CALHM5: variants seen among roughly 807,000 people sequenced by gnomAD.
The protein encoded by CALHM5 is calcium homeostasis modulator family member 5.
CALHM5 carries 17 observed loss-of-function variants against 20.9 expected under a neutral mutation model. The observed-to-expected ratio is 0.82, with a 90% confidence interval of 0.56 to 1.22. The LOEUF is 1.22. CALHM5 is among the 50% of genes most tolerant of loss of function. The pLI, the probability that CALHM5 is intolerant of heterozygous loss-of-function variation, is 0.00. For missense variants in CALHM5, 360 were observed against 364.6 expected (o/e 0.99, Z 0.10); for synonymous variants, 148 against 140.0 (o/e 1.06, Z -0.40).
rs891616595 is a variant in CALHM5 at position 116,516,331 on chromosome 6, G to A, written c.*342G>A. ...TTGGTTGCAGAATTTAGGGGCAGAA[G>A]CAATGGCTTGTGAGTGAGCAAGTTA... is the stretch of plus-strand genomic sequence containing the variant. On this transcript the variant is annotated 3_prime_UTR_variant, in exon 2 of 2. Coordinates refer to ENST00000368599, the MANE Select transcript of CALHM5 (RefSeq NM_153711.5). 1 of 184,616 alleles carries A rather than the reference G, an allele frequency of 5.4e-6. No individual in the cohort carries two copies. Among genetic ancestry groups the A allele is most frequent in the Non-Finnish European group, 1.1e-5 (1 of 89,010 alleles). The allele number at this position is 184,616 out of a possible 1,614,324, so 11.4% of individuals were successfully genotyped here. A position where few individuals can be genotyped will look rare whatever the true frequency, so the allele number is the denominator to read the frequency against.
chr6:116,512,285 T>G lies in CALHM5; in HGVS notation c.540+49T>G, dbSNP rs1206340227. On this transcript the variant is annotated intron_variant, in intron 1 of 1. Transcript: ENST00000368599. ...TTTCTCTCAGCATGAGCTCGAAGTA[T>G]TCTCTCTGTGCTCCTTTCAGCCAGG... 4 of 1,540,080 alleles carry G rather than the reference T, an allele frequency of 2.6e-6. No individual in the cohort carries two copies. In the African/African-American group the frequency reaches 5.4e-5, roughly 21 times the overall value.
Position 116,520,290 on chromosome 6 carries a change from A to C in CALHM5, c.*4301A>C, listed in dbSNP as rs1772307538. On this transcript the variant is annotated 3_prime_UTR_variant, in exon 2 of 2. Coordinates refer to ENST00000368599, the MANE Select transcript of CALHM5 (RefSeq NM_153711.5). Reference sequence around the variant, plus strand: ...ATTTCAAGTACTTCAACTATTAACTATATTATTCTATTTAGACTTTGGTGG... The same window carrying C: ...ATTTCAAGTACTTCAACTATTAACTCTATTATTCTATTTAGACTTTGGTGG... 2 of 152,244 alleles carry C rather than the reference A, an allele frequency of 1.3e-5. No homozygotes were observed. Among genetic ancestry groups the C allele is most frequent in the South Asian group, 2.1e-4 (1 of 4,822 alleles). The allele number at this position is 152,244 out of a possible 1,614,324, so 9.4% of individuals were successfully genotyped here.
At chr6:116,512,373 G>A (rs1772140024) in intron 1 of CALHM5, 137 bp downstream of exon 1, 12 of 1,002,608 alleles carry the variant, frequency 1.2e-5, no homozygotes, top group South Asian at 3.6e-5. Flanking sequence ...ATGCAGCATT[G>A]AGACTATCTC....
chr6:116,524,632 C>T lies in CALHM5; in HGVS notation c.*8643C>T, dbSNP rs547702104. 5.3e-5 allele frequency: 8 copies of T among 152,190 alleles called. No individual in the cohort carries two copies. The East Asian group carries it at 1.5e-3, about 29-fold the overall frequency. The allele number at this position is 152,190 out of a possible 1,614,324, so 9.4% of individuals were successfully genotyped here. ...TTTATTACTAACAAGATGTTTTATC[C>T]TATATTCTCATTGGTTTCTTTATCT... On this transcript the variant is annotated 3_prime_UTR_variant, in exon 2 of 2. Transcript: ENST00000368599.
chr6:116,515,805 A>G lies in CALHM5; in HGVS notation c.746A>G (p.Lys249Arg), dbSNP rs1443261464. 3 of 1,614,010 alleles carry G rather than the reference A, an allele frequency of 1.9e-6. No homozygotes were observed. The highest frequency in any genetic ancestry group is 2.5e-6 in the Non-Finnish European group (3 of 1,179,928). Residue 249 changes from lysine to arginine, a missense_variant, in exon 2 of 2, where the codon AAG becomes AGG. Coordinates refer to ENST00000368599, the MANE Select transcript of CALHM5 (RefSeq NM_153711.5). ...ERNLKCFFEN[K>R]RPDPFPMPTF... Reference sequence around the variant, plus strand: ...AACCTGAAATGTTTTTTTGAAAACAAGAGGCCAGATCCTTTTCCCATGCCT... The same window carrying G: ...AACCTGAAATGTTTTTTTGAAAACAGGAGGCCAGATCCTTTTCCCATGCCT...
intron 1 of CALHM5, 129 bp downstream of exon 1, chr6:116,512,365 G>A: frequency 2.8e-6 from 3 of 1,054,402 alleles, no homozygotes; most frequent in East Asian, 2.6e-5. Context: ...GAAACATGAT[G>A]CAGCATTGAG....
rs868454422 is a variant in CALHM5 at position 116,524,063 on chromosome 6, T to A, written c.*8074T>A. On this transcript the variant is annotated 3_prime_UTR_variant, in exon 2 of 2. Coordinates refer to ENST00000368599, the MANE Select transcript of CALHM5 (RefSeq NM_153711.5). ...TTATTAATTTTGCTATGTGTGGTAA[T>A]GGTGTGCCGATTTATGTTTTTTAAA... 7 of 152,214 alleles carry A rather than the reference T, an allele frequency of 4.6e-5. No individual in the cohort carries two copies. The highest frequency in any genetic ancestry group is 1.4e-4 in the African/African-American group (6 of 41,462). 9.4% of individuals were successfully genotyped at this position (152,214 alleles called of 1,614,324 possible).
Position 116,512,064 on chromosome 6 carries a change from C to T in CALHM5, c.368C>T (p.Thr123Ile). 1 of 1,614,030 alleles carries T rather than the reference C, an allele frequency of 6.2e-7. No individual in the cohort carries two copies. The highest frequency in any genetic ancestry group is 8.5e-7 in the Non-Finnish European group (1 of 1,179,984). The change falls in exon 1 of 2, where the codon ACT (threonine) becomes ATT (isoleucine). Residue 123 changes from threonine (T) to isoleucine (I), a missense_variant. Physicochemically the swap from Thr to Ile is moderately conservative, Grantham distance 89. Coordinates refer to ENST00000368599, the MANE Select transcript of CALHM5 (RefSeq NM_153711.5). ...MWLSVALLNG[T>I]FYECAMSGTR... Reference sequence around the variant, plus strand: ...CTTTCTGTGGCTCTGCTCAATGGAACTTTCTATGAATGTGCCATGAGCGGG... The same window carrying T: ...CTTTCTGTGGCTCTGCTCAATGGAATTTTCTATGAATGTGCCATGAGCGGG...
chr6:116,511,826 AG>A lies in CALHM5; in HGVS notation c.131del (p.Ser44ThrfsTer5), dbSNP rs1285698760. ...FSVVAFKCPC[S>X]TENMTYGLVF... Reference sequence around the variant, plus strand: ...TGTTGTGGCTTTTAAGTGCCCCTGCAGCACTGAGAATATGACCTATGGGCTG... The same window carrying A: ...TGTTGTGGCTTTTAAGTGCCCCTGCACACTGAGAATATGACCTATGGGCTG... On this transcript the variant is annotated frameshift_variant, in exon 1 of 2. Transcript: ENST00000368599. LOFTEE classifies it high-confidence loss of function. 1.9e-6 allele frequency: 3 copies of A among 1,613,960 alleles called. No individual in the cohort carries two copies. In the East Asian group the frequency reaches 6.7e-5, roughly 36 times the overall value.
rs896944214 is a variant in CALHM5 at position 116,523,906 on chromosome 6, G to A, written c.*7917G>A. On this transcript the variant is annotated 3_prime_UTR_variant, in exon 2 of 2. Coordinates refer to ENST00000368599, the MANE Select transcript of CALHM5 (RefSeq NM_153711.5). ...AGTATTAAGAAAGGAGAATAAAGGA[G>A]ATATAAGTGACTTAATAACCAGATA... The A allele has an allele frequency of 6.6e-6, 1 of 152,144 alleles. No homozygotes were observed. Among genetic ancestry groups the A allele is most frequent in the African/African-American group, 2.4e-5 (1 of 41,426 alleles). The allele number at this position is 152,144 out of a possible 1,614,324, so 9.4% of individuals were successfully genotyped here.
intron 1 of CALHM5, among the ~76,000 whole-genome samples, chr6:116,513,522 A>G (rs1393958686): frequency 6.6e-6 from 1 of 152,186 alleles, no homozygotes; most frequent in African/African-American, 2.4e-5. Context: ...CTCTAAACAC[A>G]GGTACAAGGA....
chr6:116,512,800 G>A (rs944420511), intron 1 of CALHM5, among the ~76,000 whole-genome samples: 1 of 152,158 alleles, frequency 6.6e-6, no homozygotes, highest in Non-Finnish European at 1.5e-5. Flanking sequence ...TCCTTGTATG[G>A]TAGGAATCAG....
intron 1 of CALHM5, among the ~76,000 whole-genome samples, chr6:116,515,329 A>C (rs1271705638): frequency 6.6e-6 from 1 of 152,098 alleles, no homozygotes; most frequent in African/African-American, 2.4e-5. Context: ...TATACTTTGT[A>C]CTCTTTTCTA....
chr6:116,522,720 C>CA lies in CALHM5; in HGVS notation c.*6732dup, dbSNP rs1331051121. On this transcript the variant is annotated 3_prime_UTR_variant, in exon 2 of 2. Transcript: ENST00000368599. Reference sequence around the variant, plus strand: ...ACGAAAAAATAGCAAGTGAGGGTTTCAGACTAGGCTGGCCTTCAGTAAGCT... The same window carrying CA: ...ACGAAAAAATAGCAAGTGAGGGTTTCAAGACTAGGCTGGCCTTCAGTAAGCT... The CA allele has an allele frequency of 2.6e-5, 4 of 152,156 alleles. No individual in the cohort carries two copies. Among genetic ancestry groups the CA allele is most frequent in the Non-Finnish European group, 5.9e-5 (4 of 68,022 alleles). 9.4% of individuals were successfully genotyped at this position (152,156 alleles called of 1,614,324 possible).
intron 1 of CALHM5, among the ~76,000 whole-genome samples, chr6:116,514,378 G>C (rs1772181678): frequency 6.6e-6 from 1 of 152,236 alleles, no homozygotes; most frequent in Non-Finnish European, 1.5e-5. Flanking sequence ...ACTTTCACTT[G>C]ATGGTAGTTG....
At position 116,524,064 on chromosome 6, in the gene CALHM5, G is replaced by A. The variant is rs966795076; in HGVS notation, c.*8075G>A. 1 of 152,120 alleles carries A rather than the reference G, an allele frequency of 6.6e-6. No homozygotes were observed. The highest frequency in any genetic ancestry group is 2.4e-5 in the African/African-American group (1 of 41,432). The allele number at this position is 152,120 out of a possible 1,614,324, so 9.4% of individuals were successfully genotyped here. On this transcript the variant is annotated 3_prime_UTR_variant, in exon 2 of 2. Coordinates refer to ENST00000368599, the MANE Select transcript of CALHM5 (RefSeq NM_153711.5). ...TATTAATTTTGCTATGTGTGGTAAT[G>A]GTGTGCCGATTTATGTTTTTTAAAA...
At position 116,523,126 on chromosome 6, in the gene CALHM5, A is replaced by G. The variant is rs1241082208; in HGVS notation, c.*7137A>G. ...ATCTTGAAAATAACTGCTCTACAGC[A>G]CAGAGCAGGCTATTCTGGGGAAGGC... is the stretch of plus-strand genomic sequence containing the variant. On this transcript the variant is annotated 3_prime_UTR_variant, in exon 2 of 2. Transcript: ENST00000368599. The G allele has an allele frequency of 6.6e-6, 1 of 151,982 alleles. No homozygotes were observed. The highest frequency in any genetic ancestry group is 1.5e-5 in the Non-Finnish European group (1 of 68,020). 9.4% of individuals were successfully genotyped at this position (151,982 alleles called of 1,614,324 possible). A position where few individuals can be genotyped will look rare whatever the true frequency, so the allele number is the denominator to read the frequency against.
rs1772246291 is a variant in CALHM5, at chr6:116,517,235, A to T, written c.*1246A>T. ...ATATGAAATTGGGGGAGACACAAAC[A>T]TTCAGACTATAGTAGGGTAAATTGA... On this transcript the variant is annotated 3_prime_UTR_variant, in exon 2 of 2. Transcript: ENST00000368599. 1.3e-5 allele frequency: 2 copies of T among 152,176 alleles called. No homozygotes were observed. Among genetic ancestry groups the T allele is most frequent in the African/African-American group, 4.8e-5 (2 of 41,448 alleles). 9.4% of individuals were successfully genotyped at this position (152,176 alleles called of 1,614,324 possible).
At position 116,523,477 on chromosome 6, in the gene CALHM5, T is replaced by C. The variant is rs531815011; in HGVS notation, c.*7488T>C. On this transcript the variant is annotated 3_prime_UTR_variant, in exon 2 of 2. Transcript: ENST00000368599. Reference sequence around the variant, plus strand: ...AATTTTATCTCTCTACTAATTCTTTTATTGTTTGTAGGGCTTTTCAGAATT... The same window carrying C: ...AATTTTATCTCTCTACTAATTCTTTCATTGTTTGTAGGGCTTTTCAGAATT... 6.6e-6 allele frequency: 1 copy of C among 152,354 alleles called. No individual in the cohort carries two copies. The highest frequency in any genetic ancestry group is 2.1e-4 in the South Asian group (1 of 4,830). The allele number at this position is 152,354 out of a possible 1,614,324, so 9.4% of individuals were successfully genotyped here.
Sources: allele counts gnomAD v4.1 joint callset (sites outside exome capture counted in the v4.1 genomes callset), GRCh38; gene constraint gnomAD v4.1.1; transcripts MANE v1.5; gene names NCBI Gene and HGNC (gene_info 2026-07-23, HGNC 2026-07-21).